The following PLCB1 variants were observed in gnomAD, a reference collection of about 807,000 sequenced individuals.
PLCB1 encodes phospholipase C beta 1.
Under a neutral mutation model 161.8 loss-of-function variants are expected in PLCB1, and 46 were observed. The observed-to-expected ratio is 0.28, with a 90% CI of 0.22 to 0.36. The LOEUF is 0.36. Among genes scored for constraint, PLCB1 ranks in the 10% least tolerant of loss-of-function variants. The pLI, the probability that PLCB1 is intolerant of heterozygous loss-of-function variation, is 1.00. For synonymous variants in PLCB1, 517 were observed against 503.7 expected (o/e 1.03, Z -0.35); for missense variants, 1,016 against 1,472.5 (o/e 0.69, Z 5.07).
intron 3 of PLCB1, among the ~76,000 whole-genome samples, chr20:8,385,470 A>G (rs1416682382): frequency 6.6e-6 from 1 of 152,224 alleles, no homozygotes; most frequent in Non-Finnish European, 1.5e-5. Flanking sequence ...TACAAGTCCC[A>G]GTGCTGGCTG....
In PLCB1 at chr20:8,316,555, T is replaced by C. The variant is rs999192276; in HGVS notation, c.178-54827T>C. 1.7e-3 allele frequency among the ~76,000 whole-genome samples: 265 copies of C among 152,292 alleles called. 2 individuals carry two copies. Among genetic ancestry groups the C allele is most frequent in the Non-Finnish European group, 5.3e-4 (36 of 68,022 alleles). ...CCCATGAGATTGGCCGAGACTTCTA[T>C]GGCAACTGTAACACAGCCAAACTTC... On this transcript the variant is annotated intron_variant, in intron 2 of 31. Transcript: ENST00000338037.
chr20:8,699,443 C>T (rs1327607121), intron 11 of PLCB1, among the ~76,000 whole-genome samples: 1 of 152,074 alleles, frequency 6.6e-6, no homozygotes, highest in African/African-American at 2.4e-5. Flanking sequence ...CAGTAGATGG[C>T]AGAAGTGAAG....
chr20:8,647,794 C>A, intron 5 of PLCB1, 106 bp from the exon 6 acceptor site: 1 of 837,730 alleles, frequency 1.2e-6, no homozygotes, highest in South Asian at 1.5e-5. Context: ...TGTGGAAATT[C>A]AGCAAAATGT....
intron 2 of PLCB1, among the ~76,000 whole-genome samples, chr20:8,363,955 T>C (rs1335609780): frequency 6.6e-6 from 1 of 152,234 alleles, no homozygotes; most frequent in African/African-American, 2.4e-5. Context: ...ATGCTGGTTC[T>C]CCATTATAAA....
intron 3 of PLCB1, among the ~76,000 whole-genome samples, chr20:8,452,634 C>A (rs970453699): frequency 3.9e-5 from 6 of 152,132 alleles, no homozygotes; most frequent in Non-Finnish European, 8.8e-5. Context: ...CCAGGTTGTA[C>A]AGAAAGGTTC....
chr20:8,696,207 C>CT (rs1307690549), intron 10 of PLCB1, among the ~76,000 whole-genome samples: 1 of 152,114 alleles, frequency 6.6e-6, no homozygotes, highest in Non-Finnish European at 1.5e-5. Flanking sequence ...CCAAGTTCTT[C>CT]TTTTTTTATT....
intron 2 of PLCB1, among the ~76,000 whole-genome samples, chr20:8,247,566 T>G (rs948093071): frequency 6.6e-6 from 1 of 151,712 alleles, no homozygotes; most frequent in African/African-American, 2.4e-5. Flanking sequence ...AGATTCAAAT[T>G]CCAGTGCCAC....
At chr20:8,179,086 C>A (rs969006046) in intron 2 of PLCB1, among the ~76,000 whole-genome samples, 5 of 152,100 alleles carry the variant, frequency 3.3e-5, no homozygotes, top group Non-Finnish European at 7.4e-5. Context: ...CAGCTTTGTT[C>A]TTTTGCTTAG....
intron 2 of PLCB1, among the ~76,000 whole-genome samples, chr20:8,200,293 T>G (rs2052079665): frequency 6.6e-6 from 1 of 152,186 alleles, no homozygotes; most frequent in Admixed American, 6.5e-5. Flanking sequence ...AAATAGGCCT[T>G]AATATTTTCT....
At chr20:8,375,775 G>A (rs186393997) in intron 3 of PLCB1, among the ~76,000 whole-genome samples, 7 of 152,164 alleles carry the variant, frequency 4.6e-5, no homozygotes, top group Non-Finnish European at 1.0e-4. Flanking sequence ...AATGGGGCAT[G>A]GGATACATGG....
chr20:8,149,155 C>T (rs563168708), intron 1 of PLCB1, among the ~76,000 whole-genome samples: 57 of 152,030 alleles, frequency 3.7e-4, no homozygotes, highest in Non-Finnish European at 5.9e-4. Context: ...AATTATAATC[C>T]ACTATAATAA....
At chr20:8,474,804 A>T (rs1225717810) in intron 3 of PLCB1, among the ~76,000 whole-genome samples, 1 of 152,122 alleles carries the variant, frequency 6.6e-6, no homozygotes, top group Non-Finnish European at 1.5e-5. Context: ...CCCATTAAGA[A>T]TTTTAAGAGA....
intron 3 of PLCB1, among the ~76,000 whole-genome samples, chr20:8,412,386 G>T (rs961687997): frequency 1.4e-4 from 21 of 152,280 alleles, no homozygotes; most frequent in African/African-American, 5.1e-4. Flanking sequence ...GGTTCCAGAG[G>T]GTGGGACTGA....
At chr20:8,471,030 A>T (rs1982030301) in intron 3 of PLCB1, among the ~76,000 whole-genome samples, 2 of 152,202 alleles carry the variant, frequency 1.3e-5, no homozygotes, top group African/African-American at 4.8e-5. Flanking sequence ...TTTACCAATT[A>T]TGAACAGGTT....
At chr20:8,733,966 C>A (rs1180159525) in intron 19 of PLCB1, among the ~76,000 whole-genome samples, 2 of 143,578 alleles carry the variant, frequency 1.4e-5, no homozygotes, top group Admixed American at 7.0e-5. Context: ...CTAAAAAATA[C>A]AAAAAAAAAC....
intron 16 of PLCB1, 24 bp downstream of exon 16, chr20:8,724,776 C>T: frequency 8.1e-7 from 1 of 1,227,018 alleles, no homozygotes; most frequent in Non-Finnish European, 1.2e-6. Flanking sequence ...GGAGAAAAAC[C>T]CCTCTTGCAG....
chr20:8,738,741 T>A (rs551993965), intron 20 of PLCB1, among the ~76,000 whole-genome samples: 2 of 152,208 alleles, frequency 1.3e-5, no homozygotes, highest in South Asian at 4.1e-4. Context: ...TGATAAAACA[T>A]AGATGAAGCC....
At chr20:8,224,405 A>G (rs999468129) in intron 2 of PLCB1, among the ~76,000 whole-genome samples, 1 of 152,156 alleles carries the variant, frequency 6.6e-6, no homozygotes. Flanking sequence ...TTGACTAATA[A>G]CGTCTAGATT....
At chr20:8,626,384 G>C (rs999320243) in intron 3 of PLCB1, among the ~76,000 whole-genome samples, 3 of 152,064 alleles carry the variant, frequency 2.0e-5, no homozygotes, top group Admixed American at 6.6e-5. Context: ...GATGATTCAA[G>C]AGAATCCCTG....
Sources: allele counts gnomAD v4.1 joint callset (sites outside exome capture counted in the v4.1 genomes callset), GRCh38; gene constraint gnomAD v4.1.1; transcripts MANE v1.5; gene names NCBI Gene and HGNC (gene_info 2026-07-23, HGNC 2026-07-21).